The following IL1RAPL2 variants were observed in gnomAD, a reference collection of about 807,000 sequenced individuals.
The protein encoded by IL1RAPL2 is interleukin 1 receptor accessory protein like 2.
In IL1RAPL2, 3 loss-of-function variants were observed where a neutral mutation model predicts 44.1. The ratio of observed to expected loss-of-function variants is 0.07; its 90% confidence interval spans 0.03 to 0.18. The LOEUF (loss-of-function observed/expected upper bound fraction) is 0.18. Among genes scored for constraint, IL1RAPL2 ranks in the 10% least tolerant of loss-of-function variants. The probability of loss-of-function intolerance (pLI) is 1.00; values close to 1 mark genes in which losing one functional copy is unlikely to be tolerated. For missense variants in IL1RAPL2, 391 were observed against 496.4 expected (o/e 0.79, Z 2.02); for synonymous variants, 181 against 178.8 (o/e 1.01, Z -0.10).
At chrX:105,016,471 A>G (rs1401679763) in intron 2 of IL1RAPL2, among the ~76,000 whole-genome samples, 1 of 111,260 alleles carries the variant, frequency 9.0e-6, no homozygotes, top group Non-Finnish European at 1.9e-5. Context: ...AGCTCTTATT[A>G]TTTTGAGATA....
chrX:105,630,775 G>A (rs2037486669), intron 6 of IL1RAPL2, among the ~76,000 whole-genome samples: 1 of 110,720 alleles, frequency 9.0e-6, no homozygotes, highest in African/African-American at 3.3e-5. Flanking sequence ...CTAAAAAAAA[G>A]AACAGAGATA....
At chrX:105,060,349 A>T (rs1030826713) in intron 2 of IL1RAPL2, among the ~76,000 whole-genome samples, 4 of 111,636 alleles carry the variant, frequency 3.6e-5, no homozygotes, top group Non-Finnish European at 7.5e-5. Context: ...TTTCAGCATC[A>T]ATTGAAATGC....
chrX:105,217,505 C>G (rs1471369351), intron 3 of IL1RAPL2, among the ~76,000 whole-genome samples: 4 of 111,762 alleles, frequency 3.6e-5, no homozygotes, highest in South Asian at 3.8e-4. Context: ...GTTGGTGGGA[C>G]TGTAAACTAG....
chrX:105,349,233 AC>A lies in IL1RAPL2; in HGVS notation c.697+81694del, dbSNP rs751247360. ...CAGCACTGTGGTTTGAAAACTTTGC[AC>A]CAGGCTCATCAAAATTAAAGGGGAA... On this transcript the variant is annotated intron_variant, in intron 5 of 10. Transcript: ENST00000372582. Among the ~76,000 whole-genome samples the A allele has an allele frequency of 1.0e-3, 114 of 111,998 alleles. 1 individual carries two copies. Among genetic ancestry groups the A allele is most frequent in the Non-Finnish European group, 2.0e-3 (107 of 53,226 alleles).
intron 2 of IL1RAPL2, among the ~76,000 whole-genome samples, chrX:105,123,180 G>T (rs1602965503): frequency 9.0e-6 from 1 of 111,065 alleles, no homozygotes; most frequent in African/African-American, 3.3e-5. Flanking sequence ...CCAGTGGAGA[G>T]AAACAATGAT....
At chrX:105,021,342 A>C (rs746451083) in intron 2 of IL1RAPL2, among the ~76,000 whole-genome samples, 1 of 111,389 alleles carries the variant, frequency 9.0e-6, no homozygotes, top group Non-Finnish European at 1.9e-5. Flanking sequence ...ACATATTTTT[A>C]TCTCCATGAA....
chrX:105,363,211 C>T (rs916446681), intron 5 of IL1RAPL2, among the ~76,000 whole-genome samples: 2 of 99,209 alleles, frequency 2.0e-5, no homozygotes, highest in South Asian at 8.9e-4. Flanking sequence ...TTTTTTAAGG[C>T]TGTATAGTAT....
At chrX:105,144,229 C>T (rs143675903) in intron 2 of IL1RAPL2, among the ~76,000 whole-genome samples, 1,162 of 107,656 alleles carry the variant, frequency 0.011, 5 homozygotes, top group Non-Finnish European at 0.014. Flanking sequence ...GGCTGATTTC[C>T]CTTCTCCCAT....
chrX:105,379,261 G>T (rs978073442), intron 5 of IL1RAPL2, among the ~76,000 whole-genome samples: 4 of 111,259 alleles, frequency 3.6e-5, no homozygotes, highest in African/African-American at 1.3e-4. Flanking sequence ...GGTTTTGATA[G>T]GCAGAAATAG....
chrX:104,740,103 AT>A (rs1257333822), intron 2 of IL1RAPL2, among the ~76,000 whole-genome samples: 1 of 111,000 alleles, frequency 9.0e-6, no homozygotes, highest in Admixed American at 9.6e-5. Context: ...AGGCACCTAC[AT>A]TTTTTTCCTC....
intron 2 of IL1RAPL2, among the ~76,000 whole-genome samples, chrX:104,789,804 C>A (rs907079880): frequency 4.5e-5 from 5 of 112,300 alleles, no homozygotes; most frequent in Non-Finnish European, 1.9e-5. Flanking sequence ...ATGAGCTTAT[C>A]TTTAACAGTT....
chrX:105,077,691 T>C (rs757831013), intron 2 of IL1RAPL2, among the ~76,000 whole-genome samples: 3 of 112,051 alleles, frequency 2.7e-5, no homozygotes, highest in Non-Finnish European at 5.6e-5. Context: ...CAATTAGACA[T>C]AGATTTGGTC....
intron 5 of IL1RAPL2, among the ~76,000 whole-genome samples, chrX:105,278,894 C>T (rs1364327542): frequency 9.0e-6 from 1 of 111,446 alleles, no homozygotes; most frequent in Non-Finnish European, 1.9e-5. Flanking sequence ...CTGCCTGCTT[C>T]ATGCTTTTTC....
chrX:104,914,721 C>T (rs1924359125), intron 2 of IL1RAPL2, among the ~76,000 whole-genome samples: 2 of 110,486 alleles, frequency 1.8e-5, no homozygotes, highest in South Asian at 7.8e-4. Flanking sequence ...CCCCCATCCC[C>T]CACCCCACAA....
At chrX:105,196,980 G>A (rs1314749630) in intron 3 of IL1RAPL2, among the ~76,000 whole-genome samples, 2 of 111,407 alleles carry the variant, frequency 1.8e-5, no homozygotes, top group African/African-American at 6.5e-5. Flanking sequence ...AAAGCACTTG[G>A]AAGCCCCTGG....
intron 7 of IL1RAPL2, among the ~76,000 whole-genome samples, chrX:105,734,687 C>A (rs1305871983): frequency 1.8e-5 from 2 of 111,822 alleles, no homozygotes; most frequent in African/African-American, 6.5e-5. Flanking sequence ...AACCACTACA[C>A]TGAGTCAACA....
At chrX:105,249,738 A>T in intron 4 of IL1RAPL2, among the ~76,000 whole-genome samples, 1 of 111,990 alleles carries the variant, frequency 8.9e-6, no homozygotes, top group Non-Finnish European at 1.9e-5. Flanking sequence ...AGGAAGAATT[A>T]TTCATTGCAA....
intron 6 of IL1RAPL2, among the ~76,000 whole-genome samples, chrX:105,679,790 T>TAA (rs925230284): frequency 6.4e-4 from 71 of 111,759 alleles, no homozygotes; most frequent in African/African-American, 2.2e-3. Context: ...GATCAAAAAA[T>TAA]AAGACATATC....
chrX:104,604,501 C>T (rs1244923709), intron 1 of IL1RAPL2, among the ~76,000 whole-genome samples: 1 of 110,205 alleles, frequency 9.1e-6, no homozygotes, highest in African/African-American at 3.3e-5. Flanking sequence ...AGTTAAAAGA[C>T]ACAGACTGGC....
Sources: gnomAD v4.1 joint callset for allele counts (sites outside exome capture counted in the v4.1 genomes callset) on GRCh38, gnomAD v4.1.1 for gene constraint, MANE v1.5 for transcripts, NCBI Gene and HGNC (gene_info 2026-07-23, HGNC 2026-07-21) for gene names.